Variants in CNTNAP2 observed in about 807,000 individuals in gnomAD.
The protein encoded by CNTNAP2 is contactin-associated protein-like 2.
In CNTNAP2, 98 loss-of-function variants were observed where a neutral mutation model predicts 155.2. That is an observed-to-expected ratio of 0.63 (90% confidence interval 0.54 to 0.75). The LOEUF is 0.75. Ranked by LOEUF, CNTNAP2 falls within the 30% of genes least tolerant of loss-of-function variation. CNTNAP2 has a pLI of 0.00. For synonymous variants in CNTNAP2, 651 were observed against 631.2 expected, an observed-to-expected ratio of 1.03 and a Z score of -0.47; for missense variants, 1,727 against 1,688.1, an observed-to-expected ratio of 1.02 and a Z score of -0.40.
chr7:147,184,159 A>G (rs572245030), intron 8 of CNTNAP2, among the ~76,000 whole-genome samples: 4 of 152,286 alleles, frequency 2.6e-5, no homozygotes, highest in Admixed American at 2.0e-4. Context: ...CATAGCTTCT[A>G]CATTCTTCAC....
chr7:147,776,053 G>T (rs1797580049), intron 13 of CNTNAP2, among the ~76,000 whole-genome samples: 1 of 152,096 alleles, frequency 6.6e-6, no homozygotes, highest in Non-Finnish European at 1.5e-5. Flanking sequence ...CCCTGGAACT[G>T]TTCCCTAGTA....
intron 1 of CNTNAP2, among the ~76,000 whole-genome samples, chr7:146,759,681 C>CAAAAAAAAAAAAAAAAAAAAAAAAAAAAA (rs376817827): frequency 1.8e-5 from 1 of 54,652 alleles, no homozygotes; most frequent in African/African-American, 4.1e-5. Context: ...GTGAGACTGT[C>CAAAAAAAAAAAAAAAAAAAAAAAAAAAAA]AAAAAAAAAA....
intron 1 of CNTNAP2, among the ~76,000 whole-genome samples, chr7:146,442,532 T>C (rs1017696474): frequency 6.6e-6 from 1 of 152,050 alleles, no homozygotes; most frequent in African/African-American, 2.4e-5. Context: ...TTTTACCTCA[T>C]CAAAAAAACT....
At chr7:146,924,318 G>C (rs1427774295) in intron 3 of CNTNAP2, among the ~76,000 whole-genome samples, 2 of 152,138 alleles carry the variant, frequency 1.3e-5, no homozygotes, top group Admixed American at 1.3e-4. Flanking sequence ...CCACAGATCA[G>C]TTTCACTGTC....
chr7:148,356,921 C>T (rs1483981923), intron 21 of CNTNAP2, among the ~76,000 whole-genome samples: 2 of 151,498 alleles, frequency 1.3e-5, no homozygotes, highest in East Asian at 1.9e-4. Flanking sequence ...AAAAAAAAAC[C>T]CTTCCTCTTC....
chr7:146,952,762 C>T (rs1584745264), intron 3 of CNTNAP2, among the ~76,000 whole-genome samples: 1 of 151,998 alleles, frequency 6.6e-6, no homozygotes, highest in African/African-American at 2.4e-5. Flanking sequence ...CAAACCACAG[C>T]TCAAGGAAAT....
intron 1 of CNTNAP2, among the ~76,000 whole-genome samples, chr7:146,558,872 A>G (rs1265613768): frequency 6.6e-6 from 1 of 152,194 alleles, no homozygotes; most frequent in African/African-American, 2.4e-5. Flanking sequence ...TGTCTGGCTT[A>G]TTTCACTTAG....
At chr7:146,163,109 A>G (rs1420967845) in intron 1 of CNTNAP2, among the ~76,000 whole-genome samples, 1 of 152,180 alleles carries the variant, frequency 6.6e-6, no homozygotes, top group Admixed American at 6.6e-5. Flanking sequence ...ACACATACGT[A>G]ACAAACCTGC....
chr7:148,110,014 A>G (rs118014487), intron 15 of CNTNAP2, among the ~76,000 whole-genome samples: 4,826 of 151,750 alleles, frequency 0.032, 284 homozygotes, highest in East Asian at 0.28. Flanking sequence ...CAGACCCCCA[A>G]TGAAACTTGT....
At chr7:148,342,820 C>T (rs1474303789) in intron 21 of CNTNAP2, among the ~76,000 whole-genome samples, 3 of 152,206 alleles carry the variant, frequency 2.0e-5, no homozygotes, top group Non-Finnish European at 2.9e-5. Flanking sequence ...GAAACAAAAA[C>T]TATTTCAGTG....
At chr7:146,307,154 C>CA (rs1241145034) in intron 1 of CNTNAP2, among the ~76,000 whole-genome samples, 3 of 152,084 alleles carry the variant, frequency 2.0e-5, no homozygotes. Flanking sequence ...AATCAATGTG[C>CA]AAAAATCACA....
At position 147,446,123 on chromosome 7, in the gene CNTNAP2, C is replaced by CT. The variant is rs35712483; in HGVS notation, c.1671-39794dup. On this transcript the variant is annotated intron_variant, in intron 10 of 23. Coordinates refer to ENST00000361727, the MANE Select transcript of CNTNAP2 (RefSeq NM_014141.6). ...AGACACACTTGCTCTTTGTTTCTTTCTTTTTTTTTTTTTTTTTTAACCTGT... is the reference window on the plus strand; with the variant it reads ...AGACACACTTGCTCTTTGTTTCTTTCTTTTTTTTTTTTTTTTTTTAACCTGT... Among the ~76,000 whole-genome samples, 497 of 139,922 alleles carry CT rather than the reference C, an allele frequency of 3.6e-3. 3 individuals carry two copies. Among genetic ancestry groups the CT allele is most frequent in the East Asian group, 0.016 (76 of 4,626 alleles). The allele number at this position is 139,922 out of a possible 152,430, so 91.8% of individuals were successfully genotyped here.
intron 1 of CNTNAP2, among the ~76,000 whole-genome samples, chr7:146,506,553 A>G (rs1797388276): frequency 6.6e-6 from 1 of 152,218 alleles, no homozygotes; most frequent in Non-Finnish European, 1.5e-5. Flanking sequence ...AGTGAAAGGC[A>G]CATGTCCTGA....
At position 148,419,137 on chromosome 7, in the gene CNTNAP2, C is replaced by T. The variant is rs1431430865; in HGVS notation, c.*3521C>T. The stretch of plus-strand genomic sequence containing the variant: ...CTTCCTCTCCTCACCACATTATACC[C>T]TGCTCTTACGCAGTAAACGTTTTAA... On this transcript the variant is annotated 3_prime_UTR_variant, in exon 24 of 24. Coordinates refer to ENST00000361727, the MANE Select transcript of CNTNAP2 (RefSeq NM_014141.6). The T allele has an allele frequency of 6.6e-6, 1 of 152,202 alleles. No homozygotes were observed. The highest frequency in any genetic ancestry group is 1.9e-4 in the East Asian group (1 of 5,198). The allele number at this position is 152,202 out of a possible 1,614,324, so 9.4% of individuals were successfully genotyped here.
intron 11 of CNTNAP2, among the ~76,000 whole-genome samples, chr7:147,549,040 A>T (rs1474451815): frequency 6.6e-6 from 1 of 152,202 alleles, no homozygotes; most frequent in Non-Finnish European, 1.5e-5. Flanking sequence ...AGATAGCATG[A>T]TGCCTCCACC....
chr7:146,495,799 A>G (rs1350915964), intron 1 of CNTNAP2, among the ~76,000 whole-genome samples: 1 of 152,158 alleles, frequency 6.6e-6, no homozygotes, highest in Non-Finnish European at 1.5e-5. Context: ...GAGAATAAAG[A>G]CATAGGAGAC....
At position 146,498,783 on chromosome 7, in the gene CNTNAP2, A is replaced by G. The variant is rs192964239; in HGVS notation, c.98-275488A>G. 3.5e-3 allele frequency among the ~76,000 whole-genome samples: 528 copies of G among 152,262 alleles called. 3 individuals carry two copies. Among genetic ancestry groups the G allele is most frequent in the Non-Finnish European group, 5.6e-3 (379 of 68,012 alleles). On this transcript the variant is annotated intron_variant, in intron 1 of 23. Transcript: ENST00000361727. ...GAGGAGAACTAATTTTTACTCCAGTAGATGGTTCATATATCAATTTAAAGA... is the reference window on the plus strand; with the variant it reads ...GAGGAGAACTAATTTTTACTCCAGTGGATGGTTCATATATCAATTTAAAGA...
At chr7:146,928,580 G>A (rs1341932905) in intron 3 of CNTNAP2, among the ~76,000 whole-genome samples, 1 of 152,182 alleles carries the variant, frequency 6.6e-6, no homozygotes, top group Non-Finnish European at 1.5e-5. Context: ...GCCAGACAGT[G>A]GGTGCAGGAC....
intron 8 of CNTNAP2, among the ~76,000 whole-genome samples, chr7:147,174,732 G>A (rs1198934464): frequency 6.6e-6 from 1 of 152,008 alleles, no homozygotes; most frequent in Non-Finnish European, 1.5e-5. Flanking sequence ...TGTGAAAGAT[G>A]TTATTTTTGT....
Sources: gnomAD v4.1 joint callset for allele counts (sites outside exome capture counted in the v4.1 genomes callset) on GRCh38, gnomAD v4.1.1 for gene constraint, MANE v1.5 for transcripts, NCBI Gene and HGNC (gene_info 2026-07-23, HGNC 2026-07-21) for gene names.